PROM2: variants seen among roughly 807,000 people sequenced by gnomAD.
PROM2 encodes the protein prominin 2.
PROM2 carries 90 observed loss-of-function variants against 110.2 expected under a neutral mutation model. The observed-to-expected ratio is 0.82, with a 90% CI of 0.69 to 0.97. The LOEUF is 0.97. Ranked by LOEUF, PROM2 falls within the 50% of genes least tolerant of loss-of-function variation. The pLI, the probability that PROM2 is intolerant of heterozygous loss-of-function variation, is 0.00. For synonymous variants in PROM2, 470 were observed against 467.8 expected (o/e 1.00, Z -0.06); for missense variants, 1,009 against 1,074.8 (o/e 0.94, Z 0.86).
intron 11 of PROM2, 78 bp downstream of exon 11, chr2:95,280,075 C>A: frequency 1.5e-6 from 2 of 1,301,628 alleles, no homozygotes; most frequent in Non-Finnish European, 9.9e-7. Flanking sequence ...GCATAGCTCC[C>A]GGTGTGGCTG....
At position 95,288,913 on chromosome 2, in the gene PROM2, C is replaced by G. The variant is rs1677541954; in HGVS notation, c.2442-20C>G. 6.2e-7 allele frequency: 1 copy of G among 1,612,558 alleles called. No individual in the cohort carries two copies. Among genetic ancestry groups the G allele is most frequent in the Non-Finnish European group, 8.5e-7 (1 of 1,178,574 alleles). On this transcript the variant is annotated intron_variant, in intron 22 of 23. Coordinates refer to ENST00000317620, the MANE Select transcript of PROM2 (RefSeq NM_001165978.3). ...GTCTGGGGGGAAGGGTATGCTCACT[C>G]TCTGTCTTTGACACTGCAGCTCCAC...
At chr2:95,280,229 A>G (rs1308652787) in intron 11 of PROM2, among the ~76,000 whole-genome samples, 1 of 152,006 alleles carries the variant, frequency 6.6e-6, no homozygotes, top group East Asian at 1.9e-4. Context: ...TAGAGTCCCT[A>G]CCCCAGCTTC....
intron 8 of PROM2, chr2:95,278,270 C>T: frequency 1.8e-6 from 1 of 568,636 alleles, no homozygotes; most frequent in African/African-American, 1.9e-5. Flanking sequence ...GGCGGCTCCC[C>T]TGGGTGGAGA....
chr2:95,279,146 T>C lies in PROM2; in HGVS notation c.1274+2T>C. On this transcript the variant is annotated splice_donor_variant, in intron 10 of 23. Coordinates refer to ENST00000317620, the MANE Select transcript of PROM2 (RefSeq NM_001165978.3). LOFTEE classifies it high-confidence loss of function. ...GGTGCAGAGATACGAGACCTACAGGTGCTGGGCACCGCAGGGTGGGATGGG... is the reference window on the plus strand; with the variant it reads ...GGTGCAGAGATACGAGACCTACAGGCGCTGGGCACCGCAGGGTGGGATGGG... The C allele has an allele frequency of 3.2e-6, 2 of 623,078 alleles. No individual in the cohort carries two copies. The highest frequency in any genetic ancestry group is 4.5e-6 in the Non-Finnish European group (2 of 445,326). The allele number at this position is 623,078 out of a possible 1,614,324, so 38.6% of individuals were successfully genotyped here.
chr2:95,280,344 C>T (rs1676977553), intron 11 of PROM2, among the ~76,000 whole-genome samples: 2 of 152,220 alleles, frequency 1.3e-5, no homozygotes, highest in South Asian at 4.1e-4. Flanking sequence ...TACAGTTGTA[C>T]AGGCTGTTCA....
chr2:95,278,939 C>T (rs1478992274), intron 9 of PROM2, 46 bp from the exon 10 acceptor site: 3 of 1,597,440 alleles, frequency 1.9e-6, no homozygotes, highest in Non-Finnish European at 2.6e-6. Flanking sequence ...GTTCCTGGGC[C>T]CCAGGGTGCC....
chr2:95,285,599 G>C, intron 15 of PROM2, 40 bp from the exon 16 acceptor site: 1 of 1,542,384 alleles, frequency 6.5e-7, no homozygotes, highest in Middle Eastern at 1.7e-4. Context: ...CCCCAGGGGA[G>C]CTGGGTTCAT....
chr2:95,278,970 T>G lies in PROM2; in HGVS notation c.1115-15T>G. 2 of 1,598,022 alleles carry G rather than the reference T, an allele frequency of 1.3e-6. No homozygotes were observed. Among genetic ancestry groups the G allele is most frequent in the Non-Finnish European group, 1.7e-6 (2 of 1,170,178 alleles). ...GTGCCCTCCGCATCCCACAAGTCCC[T>G]GTTACTTTGGGCAGAGCTGAAGAAG... On this transcript the variant is annotated splice_polypyrimidine_tract_variant and intron_variant, in intron 9 of 23. Coordinates refer to ENST00000317620, the MANE Select transcript of PROM2 (RefSeq NM_001165978.3).
chr2:95,289,293 T>G lies in PROM2; in HGVS notation c.*80T>G. On this transcript the variant is annotated 3_prime_UTR_variant, in exon 24 of 24. Transcript: ENST00000317620. ...CTGGGCCACAGGACTTCGGTAGCTC[T>G]TGCCCCAGAGCCCAGGCTGGCATCC... 2 of 473,926 alleles carry G rather than the reference T, an allele frequency of 4.2e-6. No individual in the cohort carries two copies. The highest frequency in any genetic ancestry group is 2.0e-5 in the African/African-American group (1 of 51,110). The allele number at this position is 473,926 out of a possible 1,614,324, so 29.4% of individuals were successfully genotyped here. A position where few individuals can be genotyped will look rare whatever the true frequency, so the allele number is the denominator to read the frequency against.
chr2:95,276,377 G>A lies in PROM2; in HGVS notation c.618+30G>A, dbSNP rs1235636493. On this transcript the variant is annotated intron_variant, in intron 4 of 23. Coordinates refer to ENST00000317620, the MANE Select transcript of PROM2 (RefSeq NM_001165978.3). The surrounding 1 kb of genome is among the most constrained non-coding windows in gnomAD (Gnocchi z 4.6). ...GCACTGTTACCCCTCACCCTCATGT[G>A]CCCCTGTGAGCACTGGGCCCGGGCA... 6 of 1,609,566 alleles carry A rather than the reference G, an allele frequency of 3.7e-6. No homozygotes were observed. Among genetic ancestry groups the A allele is most frequent in the Admixed American group, 3.3e-5 (2 of 59,802 alleles).
chr2:95,285,379 G>A (rs528192781), intron 15 of PROM2, among the ~76,000 whole-genome samples: 36 of 152,330 alleles, frequency 2.4e-4, no homozygotes, highest in Admixed American at 5.9e-4. Flanking sequence ...CACTGCTGCC[G>A]AGGACGCATT....
rs773032862 is a variant in PROM2 at position 95,287,203 on chromosome 2, T to A, written c.2165T>A (p.Ile722Asn). The A allele has an allele frequency of 6.2e-7, 1 of 1,613,726 alleles. No individual in the cohort carries two copies. Among genetic ancestry groups the A allele is most frequent in the South Asian group, 1.1e-5 (1 of 91,054 alleles). ...GAGCTGCCTGCCTGGGCAGCCAGGA[T>A]CCTGAGGAATGTGAGTGGTGGGTGG... ...KGELPAWAARILRNVSECFLA... is the reference protein window; with the variant it reads ...KGELPAWAARNLRNVSECFLA... Residue 722 changes from isoleucine (I) to asparagine (N), a missense_variant, in exon 19 of 24, where the codon ATC becomes AAC. Ile to Asn is a moderately radical substitution (Grantham distance 149). Coordinates refer to ENST00000317620, the MANE Select transcript of PROM2 (RefSeq NM_001165978.3).
At position 95,274,689 on chromosome 2, in the gene PROM2, C is replaced by T. The variant is rs770249622; in HGVS notation, c.104C>T (p.Pro35Leu). The T allele has an allele frequency of 1.4e-5, 23 of 1,612,676 alleles. No individual in the cohort carries two copies. The highest frequency in any genetic ancestry group is 1.8e-5 in the Non-Finnish European group (21 of 1,179,886). ...GCCACAGACTGCAAGTTCCTTGGCC[C>T]GGCAGAGCACCTGACATTCACCCCA... ...AGATDCKFLG[P>L]AEHLTFTPAA... Residue 35 changes from proline (P) to leucine (L), a missense_variant, in exon 1 of 24, where the codon CCG becomes CTG. Pro to Leu is a moderately conservative substitution (Grantham distance 98, BLOSUM62 -3). Transcript: ENST00000317620.
intron 17 of PROM2, 45 bp downstream of exon 17, chr2:95,286,616 A>T: frequency 1.3e-6 from 2 of 1,542,872 alleles, no homozygotes; most frequent in Non-Finnish European, 8.9e-7. Flanking sequence ...GGGAGGGGAG[A>T]CGTGGAGAGG....
At chr2:95,282,884 A>G (rs373417775) in intron 14 of PROM2, among the ~76,000 whole-genome samples, 5 of 152,288 alleles carry the variant, frequency 3.3e-5, no homozygotes, top group African/African-American at 1.2e-4. Context: ...TCCTAAGCAT[A>G]TGCTGGGGAA....
At chr2:95,283,643 C>A (rs1427638593) in intron 14 of PROM2, among the ~76,000 whole-genome samples, 2 of 152,210 alleles carry the variant, frequency 1.3e-5, no homozygotes, top group Non-Finnish European at 2.9e-5. Context: ...ACCTGTGTAA[C>A]CTCGGCAAGT....
chr2:95,286,701 C>T (rs1001013733), intron 17 of PROM2, 103 bp from the exon 18 acceptor site: 4 of 736,746 alleles, frequency 5.4e-6, no homozygotes, highest in Non-Finnish European at 9.2e-6. Context: ...CTCCTCTCCC[C>T]TCCTCTCCCC....
rs199794503 is a variant in PROM2 at position 95,285,038 on chromosome 2, T to A, written c.1798T>A (p.Ser600Thr). 51 of 1,598,558 alleles carry A rather than the reference T, an allele frequency of 3.2e-5. No individual in the cohort carries two copies. The highest frequency in any genetic ancestry group is 5.2e-5 in the Admixed American group (3 of 58,074). Residue 600 changes from serine to threonine, a missense_variant, in exon 15 of 24, where the codon TCA becomes ACA. Transcript: ENST00000317620. ...CACACAGAGCCTGGACCTGCTGAGCTCAGCCGCCCGCCGGGACCTGGAGGC... is the reference window on the plus strand; with the variant it reads ...CACACAGAGCCTGGACCTGCTGAGCACAGCCGCCCGCCGGGACCTGGAGGC... ...VDTQSLDLLS[S>T]AARRDLEALQ... is the part of the protein sequence containing the mutation.
At position 95,290,002 on chromosome 2, in the gene PROM2, G is replaced by C. The variant is rs1677608839; in HGVS notation, c.*789G>C. 6.6e-6 allele frequency: 1 copy of C among 152,294 alleles called. No individual in the cohort carries two copies. The highest frequency in any genetic ancestry group is 1.5e-5 in the Non-Finnish European group (1 of 68,110). The allele number at this position is 152,294 out of a possible 1,614,324, so 9.4% of individuals were successfully genotyped here. On this transcript the variant is annotated 3_prime_UTR_variant, in exon 24 of 24. Coordinates refer to ENST00000317620, the MANE Select transcript of PROM2 (RefSeq NM_001165978.3). ...TGCCTGCACCCAAGTTAGAAATGGGGGTACCAGCACTTAGCTTCTCTCTGA... is the reference window on the plus strand; with the variant it reads ...TGCCTGCACCCAAGTTAGAAATGGGCGTACCAGCACTTAGCTTCTCTCTGA...
Sources: allele counts gnomAD v4.1 joint callset (sites outside exome capture counted in the v4.1 genomes callset), GRCh38; gene constraint gnomAD v4.1.1; non-coding constraint Gnocchi (gnomAD v3.1); transcripts MANE v1.5; gene names NCBI Gene and HGNC (gene_info 2026-07-23, HGNC 2026-07-21).